The following TEX26 variants were observed in gnomAD, a reference collection of about 807,000 sequenced individuals.
TEX26 encodes testis-expressed protein 26.
TEX26 carries 34 observed loss-of-function variants against 35.3 expected under a neutral mutation model. The ratio of observed to expected loss-of-function variants is 0.96; its 90% CI spans 0.73 to 1.28. The LOEUF is 1.28. TEX26 is among the 50% of genes most tolerant of loss of function. The pLI is 0.00. For synonymous variants in TEX26, 136 were observed against 111.8 expected (o/e 1.22, Z -1.36); for missense variants, 371 against 330.1 (o/e 1.12, Z -0.96).
chr13:30,936,570 TC>T (rs1176599013), intron 1 of TEX26: 7 of 659,270 alleles, frequency 1.1e-5, no homozygotes, highest in Non-Finnish European at 1.3e-5. Context: ...AATTGCACCC[TC>T]TTCATGTTCC....
At chr13:30,952,141 C>T (rs983145724) in intron 2 of TEX26, among the ~76,000 whole-genome samples, 13 of 149,632 alleles carry the variant, frequency 8.7e-5, no homozygotes, top group African/African-American at 3.2e-4. Context: ...TGCATTTTGG[C>T]AAAGATATTT....
intron 1 of TEX26, chr13:30,936,608 C>T (rs1360365059): frequency 1.3e-5 from 11 of 869,250 alleles, no homozygotes; most frequent in Non-Finnish European, 1.5e-5. Flanking sequence ...ATCAGCACCA[C>T]ATTAAACTTG....
chr13:30,951,705 G>T (rs555876559), intron 2 of TEX26, among the ~76,000 whole-genome samples: 15 of 152,192 alleles, frequency 9.9e-5, no homozygotes, highest in African/African-American at 3.6e-4. Flanking sequence ...TAAAGATTTT[G>T]TATGTATCTC....
intron 6 of TEX26, 36 bp from the exon 7 acceptor site, chr13:30,974,810 G>C: frequency 6.6e-7 from 1 of 1,518,252 alleles, no homozygotes; most frequent in South Asian, 1.3e-5. Context: ...ATACTTACGT[G>C]AAAATTTTCA....
intron 2 of TEX26, among the ~76,000 whole-genome samples, chr13:30,945,490 G>A (rs1953673656): frequency 6.6e-6 from 1 of 151,640 alleles, no homozygotes; most frequent in African/African-American, 2.4e-5. Flanking sequence ...TAATCATCAT[G>A]TTAATTGCTA....
intron 2 of TEX26, among the ~76,000 whole-genome samples, chr13:30,952,056 T>C: frequency 7.0e-6 from 1 of 142,660 alleles, no homozygotes; most frequent in African/African-American, 2.6e-5. Context: ...GTCTCCATGA[T>C]GCCATTTAAA....
intron 1 of TEX26, among the ~76,000 whole-genome samples, chr13:30,935,304 T>G (rs77076789): frequency 2.0e-5 from 3 of 152,200 alleles, no homozygotes; most frequent in African/African-American, 7.2e-5. Context: ...CCCCACCCTC[T>G]GACCAGGGAG....
At chr13:30,968,418 G>A (rs1439510338) in intron 5 of TEX26, among the ~76,000 whole-genome samples, 1 of 152,218 alleles carries the variant, frequency 6.6e-6, no homozygotes, top group East Asian at 1.9e-4. Context: ...GGCTTCATCA[G>A]TGCAGATTCC....
chr13:30,932,688 G>C lies in TEX26; in HGVS notation c.-28G>C. 1 of 1,608,596 alleles carries C rather than the reference G, an allele frequency of 6.2e-7. No homozygotes were observed. Among genetic ancestry groups the C allele is most frequent in the Non-Finnish European group, 8.5e-7 (1 of 1,178,180 alleles). On this transcript the variant is annotated 5_prime_UTR_variant, in exon 1 of 7. Coordinates refer to ENST00000380473, the MANE Select transcript of TEX26 (RefSeq NM_152325.3). ...GCAAGCGCTGAGATAGCTGGAGCCA[G>C]GGCCCCGCGGCCGCCTCCTGGGGCA... is the stretch of plus-strand genomic sequence containing the variant.
intron 3 of TEX26, among the ~76,000 whole-genome samples, chr13:30,954,136 T>C (rs1954033622): frequency 6.6e-6 from 1 of 151,998 alleles, no homozygotes; most frequent in Admixed American, 6.6e-5. Flanking sequence ...TCTGGAGCTC[T>C]TGGGGGAGAG....
intron 4 of TEX26, among the ~76,000 whole-genome samples, chr13:30,962,460 G>A (rs1954381313): frequency 6.6e-6 from 1 of 152,146 alleles, no homozygotes; most frequent in African/African-American, 2.4e-5. Flanking sequence ...CTCAGCCTCT[G>A]TCTACCCATA....
intron 4 of TEX26, among the ~76,000 whole-genome samples, chr13:30,963,929 C>A (rs555438544): frequency 6.6e-6 from 1 of 152,128 alleles, no homozygotes; most frequent in African/African-American, 2.4e-5. Context: ...GTGGAACGGA[C>A]GTTCCAGACT....
intron 2 of TEX26, among the ~76,000 whole-genome samples, chr13:30,952,336 C>A (rs749310400): frequency 3.9e-5 from 6 of 151,906 alleles, no homozygotes; most frequent in Non-Finnish European, 5.9e-5. Flanking sequence ...TAGAGAGAAG[C>A]TTTTCTTCAC....
intron 2 of TEX26, among the ~76,000 whole-genome samples, chr13:30,951,512 C>G (rs1324317531): frequency 2.0e-5 from 3 of 151,910 alleles, no homozygotes; most frequent in African/African-American, 7.3e-5. Flanking sequence ...CTATTCAGCC[C>G]TTTTTTAAAA....
intron 6 of TEX26, among the ~76,000 whole-genome samples, chr13:30,974,108 G>T (rs1954798519): frequency 1.9e-5 from 2 of 105,948 alleles, no homozygotes; most frequent in African/African-American, 7.4e-5. Context: ...GCAATAGAGT[G>T]AGCCTCCATC....
Position 30,952,756 on chromosome 13 carries a change from C to A in TEX26, c.243C>A (p.His81Gln). 6.2e-7 allele frequency: 1 copy of A among 1,612,982 alleles called. No homozygotes were observed. Among genetic ancestry groups the A allele is most frequent in the Non-Finnish European group, 8.5e-7 (1 of 1,179,476 alleles). Residue 81 changes from histidine to glutamine, a missense_variant, in exon 3 of 7, where the codon CAC (histidine) becomes CAA (glutamine). Coordinates refer to ENST00000380473, the MANE Select transcript of TEX26 (RefSeq NM_152325.3). ...QYSDEYTWKS[H>Q]SKEDLIKTET... Reference sequence around the variant, plus strand: ...GTGATGAGTACACTTGGAAATCACACTCTAAAGAAGATTTGATCAAAACTG... The same window carrying A: ...GTGATGAGTACACTTGGAAATCACAATCTAAAGAAGATTTGATCAAAACTG...
At chr13:30,937,464 A>G (rs535760211) in intron 1 of TEX26, among the ~76,000 whole-genome samples, 52 of 152,232 alleles carry the variant, frequency 3.4e-4, no homozygotes, top group African/African-American at 1.2e-3. Flanking sequence ...ATCCTTCCTG[A>G]TTGTTCCGAA....
intron 6 of TEX26, among the ~76,000 whole-genome samples, chr13:30,974,131 A>AAAAATATATATATATATAT: frequency 1.2e-4 from 10 of 84,408 alleles, no homozygotes; most frequent in Admixed American, 4.7e-4. Context: ...AAAAAAAAAA[A>AAAAATATATATATATATAT]ATATATATAT....
intron 4 of TEX26, among the ~76,000 whole-genome samples, chr13:30,961,609 C>T (rs2138302227): frequency 6.6e-6 from 1 of 152,322 alleles, no homozygotes; most frequent in Middle Eastern, 3.4e-3. Flanking sequence ...GGAGTCCTAA[C>T]TGCAGGGATA....
Sources: allele counts gnomAD v4.1 joint callset (sites outside exome capture counted in the v4.1 genomes callset), GRCh38; gene constraint gnomAD v4.1.1; transcripts MANE v1.5; gene names NCBI Gene and HGNC (gene_info 2026-07-23, HGNC 2026-07-21).